The following CADM2 variants were observed in gnomAD, a reference collection of about 807,000 sequenced individuals.
CADM2 encodes the protein cell adhesion molecule 2, also known as immunoglobulin superfamily member 4D.
A neutral mutation model predicts 49.8 loss-of-function variants in CADM2; 12 were observed. That is an observed-to-expected ratio of 0.24 (90% CI 0.15 to 0.39). CADM2 has a LOEUF of 0.39. CADM2 is among the 10% of genes least tolerant of loss of function. The probability of loss-of-function intolerance (pLI) is 1.00; values close to 1 mark genes in which losing one functional copy is unlikely to be tolerated. For missense variants in CADM2, 378 were observed against 492.3 expected (o/e 0.77, Z 2.20); for synonymous variants, 214 against 175.4 (o/e 1.22, Z -1.74).
chr3:85,048,492 C>A (rs2035753083), intron 1 of CADM2, among the ~76,000 whole-genome samples: 1 of 152,022 alleles, frequency 6.6e-6, no homozygotes, highest in African/African-American at 2.4e-5. Context: ...GTTGAGGCAG[C>A]AGAGATAAAA....
intron 1 of CADM2, among the ~76,000 whole-genome samples, chr3:85,107,080 T>C (rs1459656642): frequency 6.6e-6 from 1 of 152,230 alleles, no homozygotes; most frequent in Non-Finnish European, 1.5e-5. Context: ...AGATACAGTG[T>C]CATACACCAT....
At chr3:85,304,215 T>G (rs184561092) in intron 1 of CADM2, among the ~76,000 whole-genome samples, 1 of 151,910 alleles carries the variant, frequency 6.6e-6, no homozygotes, top group East Asian at 1.9e-4. Flanking sequence ...TTGTCGATAG[T>G]TAAATGAGCA....
intron 2 of CADM2, among the ~76,000 whole-genome samples, chr3:85,734,803 T>C (rs2068066738): frequency 6.7e-6 from 1 of 149,928 alleles, no homozygotes; most frequent in Non-Finnish European, 1.5e-5. Context: ...TTTTTCTGCC[T>C]TTTTTCTTTT....
chr3:85,829,855 TTAAAAGGCTG>T (rs1245432743), intron 3 of CADM2, among the ~76,000 whole-genome samples: 2 of 152,158 alleles, frequency 1.3e-5, no homozygotes, highest in African/African-American at 4.8e-5. Flanking sequence ...TTTCCCTTTT[TTAAAAGGCTG>T]AACAGTATGT....
At chr3:85,099,936 A>T (rs1009804525) in intron 1 of CADM2, among the ~76,000 whole-genome samples, 12 of 152,186 alleles carry the variant, frequency 7.9e-5, no homozygotes, top group African/African-American at 2.9e-4. Context: ...TGACTCATTT[A>T]AAAAGTTTAT....
intron 1 of CADM2, among the ~76,000 whole-genome samples, chr3:85,459,384 C>A (rs2038136757): frequency 6.6e-6 from 1 of 152,148 alleles, no homozygotes; most frequent in Non-Finnish European, 1.5e-5. Context: ...CCAGGCTCTA[C>A]CCGAATAAGA....
At chr3:85,172,401 A>G (rs1453425964) in intron 1 of CADM2, among the ~76,000 whole-genome samples, 2 of 152,256 alleles carry the variant, frequency 1.3e-5, no homozygotes, top group Admixed American at 6.5e-5. Flanking sequence ...ATCCCCCTTA[A>G]GAGATGACAT....
At chr3:85,290,253 C>T (rs1013957231) in intron 1 of CADM2, among the ~76,000 whole-genome samples, 20 of 152,158 alleles carry the variant, frequency 1.3e-4, no homozygotes, top group African/African-American at 3.4e-4. Flanking sequence ...TGGCGCACCA[C>T]GAGATTATAT....
At chr3:85,983,567 T>C (rs898631828) in intron 8 of CADM2, among the ~76,000 whole-genome samples, 10 of 151,724 alleles carry the variant, frequency 6.6e-5, no homozygotes, top group South Asian at 6.2e-4. Context: ...AATTATTTTT[T>C]CAGTTCGTTT....
chr3:85,319,781 G>T (rs1273623184), intron 1 of CADM2, among the ~76,000 whole-genome samples: 1 of 152,100 alleles, frequency 6.6e-6, no homozygotes, highest in Non-Finnish European at 1.5e-5. Flanking sequence ...TGAGAGTGGA[G>T]GGGGACAGGA....
intron 1 of CADM2, among the ~76,000 whole-genome samples, chr3:85,083,798 G>A (rs950804214): frequency 1.3e-5 from 2 of 151,928 alleles, no homozygotes; most frequent in Non-Finnish European, 2.9e-5. Flanking sequence ...GCAAAATAGA[G>A]GCATGTAAAC....
chr3:85,006,205 A>C (rs554038560), intron 1 of CADM2, among the ~76,000 whole-genome samples: 1 of 152,268 alleles, frequency 6.6e-6, no homozygotes, highest in East Asian at 1.9e-4. Context: ...CTCTGAGCCC[A>C]AAAGAGTTAT....
intron 1 of CADM2, among the ~76,000 whole-genome samples, chr3:85,434,213 G>T (rs1008638578): frequency 6.6e-5 from 10 of 151,882 alleles, no homozygotes; most frequent in African/African-American, 9.6e-5. Context: ...TATTTTTAAA[G>T]ATTTTCATTA....
At chr3:85,585,983 G>A (rs539012945) in intron 1 of CADM2, among the ~76,000 whole-genome samples, 1 of 151,988 alleles carries the variant, frequency 6.6e-6, no homozygotes, top group South Asian at 2.1e-4. Flanking sequence ...ACTGCTTAGT[G>A]ACTCCTATCT....
intron 1 of CADM2, among the ~76,000 whole-genome samples, chr3:85,584,409 ATAT>A (rs1300250867): frequency 3.3e-5 from 5 of 152,222 alleles, no homozygotes; most frequent in Middle Eastern, 3.4e-3. Context: ...TATGCAAATA[ATAT>A]TATGCTACCC....
At chr3:85,903,854 G>A (rs1247719566) in intron 5 of CADM2, among the ~76,000 whole-genome samples, 4 of 152,106 alleles carry the variant, frequency 2.6e-5, no homozygotes, top group African/African-American at 4.8e-5. Context: ...TGCATAAGTT[G>A]TTCTATAGCT....
chr3:86,034,516 C>G (rs1734928284), intron 8 of CADM2, among the ~76,000 whole-genome samples: 1 of 152,032 alleles, frequency 6.6e-6, no homozygotes, highest in Non-Finnish European at 1.5e-5. Context: ...TTGCAGCTCA[C>G]AGAACCGTGA....
intron 1 of CADM2, among the ~76,000 whole-genome samples, chr3:85,552,631 C>G (rs899037938): frequency 6.6e-6 from 1 of 151,826 alleles, no homozygotes; most frequent in Non-Finnish European, 1.5e-5. Context: ...CCGCCCACCT[C>G]AACCTACCAA....
At chr3:85,111,003 AC>A (rs944245500) in intron 1 of CADM2, among the ~76,000 whole-genome samples, 1 of 151,782 alleles carries the variant, frequency 6.6e-6, no homozygotes, top group African/African-American at 2.4e-5. Context: ...TTTCCCATCT[AC>A]CTTTTTATGT....
Sources: allele counts gnomAD v4.1 joint callset (sites outside exome capture counted in the v4.1 genomes callset), GRCh38; gene constraint gnomAD v4.1.1; transcripts MANE v1.5; gene names NCBI Gene and HGNC (gene_info 2026-07-23, HGNC 2026-07-21).